Variants in IFT74 observed in about 807,000 individuals in gnomAD.
IFT74 encodes intraflagellar transport 74, also known as intraflagellar transport protein 74 homolog.
In IFT74, 92 loss-of-function variants were observed where a neutral mutation model predicts 96.7. The observed-to-expected ratio is 0.95, with a 90% CI of 0.80 to 1.13. IFT74 has a LOEUF of 1.13. IFT74 is among the 50% of genes most tolerant of loss of function. The pLI is 0.00. For synonymous variants in IFT74, 223 were observed against 213.2 expected (o/e 1.05, Z -0.40); for missense variants, 811 against 698.2 (o/e 1.16, Z -1.82).
intron 8 of IFT74, among the ~76,000 whole-genome samples, chr9:26,999,002 G>GCAAT (rs895168444): frequency 6.6e-6 from 1 of 152,008 alleles, no homozygotes; most frequent in African/African-American, 2.4e-5. Flanking sequence ...TCAAAAGCAA[G>GCAAT]CAATCAATCA....
intron 6 of IFT74, among the ~76,000 whole-genome samples, chr9:26,985,430 CT>C (rs1827590810): frequency 6.6e-6 from 1 of 152,072 alleles, no homozygotes; most frequent in Admixed American, 6.5e-5. Flanking sequence ...ACATGTACCC[CT>C]GAACCTAAAA....
At chr9:27,037,662 G>C (rs547355526) in intron 13 of IFT74, among the ~76,000 whole-genome samples, 2 of 152,336 alleles carry the variant, frequency 1.3e-5, no homozygotes, top group South Asian at 4.1e-4. Context: ...TTTTACTCTG[G>C]TGCTATGTGG....
intron 12 of IFT74, among the ~76,000 whole-genome samples, chr9:27,028,470 G>A (rs1426808259): frequency 6.6e-6 from 1 of 152,076 alleles, no homozygotes; most frequent in Non-Finnish European, 1.5e-5. Flanking sequence ...CAGTAAAAAA[G>A]ATCTATGCTT....
At chr9:27,034,029 G>C (rs1228710616) in intron 13 of IFT74, among the ~76,000 whole-genome samples, 1 of 152,052 alleles carries the variant, frequency 6.6e-6, no homozygotes, top group African/African-American at 2.4e-5. Flanking sequence ...CTAATTTTCT[G>C]AGCATCTATT....
At chr9:27,001,823 G>A (rs375377545) in intron 8 of IFT74, among the ~76,000 whole-genome samples, 5 of 151,950 alleles carry the variant, frequency 3.3e-5, no homozygotes, top group South Asian at 2.1e-4. Flanking sequence ...TTTGCTTGGC[G>A]AAACCCCATT....
rs149182814 is a variant in IFT74, at chr9:26,973,788, G to A, written c.121-4340G>A. 2.0e-5 allele frequency among the ~76,000 whole-genome samples: 3 copies of A among 152,206 alleles called. No homozygotes were observed. The East Asian group carries it at 5.8e-4, about 29-fold the overall frequency. On this transcript the variant is annotated intron_variant, in intron 2 of 19. Coordinates refer to ENST00000380062, the MANE Select transcript of IFT74 (RefSeq NM_025103.4). ...ATTAGATGGAGTGAGACAAACAGAG[G>A]AGTGAGACACTCCTGAATCAATTAA...
intron 18 of IFT74, among the ~76,000 whole-genome samples, chr9:27,060,364 AT>A (rs908808728): frequency 9.9e-5 from 15 of 152,074 alleles, no homozygotes; most frequent in African/African-American, 3.4e-4. Context: ...AACATTTAAA[AT>A]ATAATTAAAA....
At chr9:26,965,421 G>A (rs1826565240) in intron 2 of IFT74, among the ~76,000 whole-genome samples, 1 of 152,022 alleles carries the variant, frequency 6.6e-6, no homozygotes, top group Admixed American at 6.6e-5. Context: ...TTTTCCTAAA[G>A]TTTTCAGATT....
At chr9:26,949,882 G>T (rs1327860477) in intron 1 of IFT74, among the ~76,000 whole-genome samples, 1 of 152,180 alleles carries the variant, frequency 6.6e-6, no homozygotes, top group African/African-American at 2.4e-5. Context: ...CTGCCAAAAT[G>T]CTAAATTTGA....
chr9:27,023,792 C>G (rs1320710176), intron 12 of IFT74, among the ~76,000 whole-genome samples: 2 of 152,292 alleles, frequency 1.3e-5, no homozygotes, highest in African/African-American at 4.8e-5. Context: ...ACCACCCCTT[C>G]CATCACCCAC....
chr9:27,059,748 C>G (rs1276216582), intron 18 of IFT74, among the ~76,000 whole-genome samples: 1 of 152,214 alleles, frequency 6.6e-6, no homozygotes, highest in Non-Finnish European at 1.5e-5. Context: ...GGATCTACAT[C>G]AAGCCTGAAT....
intron 8 of IFT74, chr9:26,993,225 T>C (rs770657658): frequency 5.3e-5 from 8 of 152,232 alleles, no homozygotes; most frequent in Non-Finnish European, 1.2e-4. Flanking sequence ...TAGTCTTTGC[T>C]CATTTGCAAT....
intron 8 of IFT74, among the ~76,000 whole-genome samples, chr9:27,006,900 A>T (rs569223053): frequency 7.5e-5 from 10 of 132,714 alleles, no homozygotes; most frequent in African/African-American, 2.9e-4. Context: ...GTAGTGGCGC[A>T]GTCTCGGCTC....
intron 2 of IFT74, among the ~76,000 whole-genome samples, chr9:26,963,131 C>A (rs57450012): frequency 0.1 from 15,324 of 151,640 alleles, 1,774 homozygotes; most frequent in East Asian, 0.65. Flanking sequence ...ACAACAGTCC[C>A]CAGAGTGTGA....
intron 13 of IFT74, among the ~76,000 whole-genome samples, chr9:27,040,782 C>G (rs1819444161): frequency 6.6e-6 from 1 of 152,016 alleles, no homozygotes; most frequent in African/African-American, 2.4e-5. Flanking sequence ...GTGTATTGAT[C>G]AGGAGAGAAG....
In IFT74 at chr9:27,060,565, T is replaced by C. The variant is rs190486483; in HGVS notation, c.1624-26T>C. On this transcript the variant is annotated intron_variant, in intron 18 of 19. Transcript: ENST00000380062. ...TAATTGTTTTAAATATGGGTCCTAATTAATATTTTTCTTTTATGTTTTTAG... is the reference window on the plus strand; with the variant it reads ...TAATTGTTTTAAATATGGGTCCTAACTAATATTTTTCTTTTATGTTTTTAG... 138 of 1,519,174 alleles carry C rather than the reference T, an allele frequency of 9.1e-5. 1 individual carries two copies. In the Middle Eastern group the frequency reaches 1.2e-3, roughly 13 times the overall value. The allele number at this position is 1,519,174 out of a possible 1,614,324, so 94.1% of individuals were successfully genotyped here. A position where few individuals can be genotyped will look rare whatever the true frequency, so the allele number is the denominator to read the frequency against.
rs142459009 is a variant in IFT74 at position 27,034,369 on chromosome 9, A to C, written c.1054+5265A>C. ...TGCATAATATATATGTGTCATTCAA[A>C]GTAGTAAAATAACAAAATATAATAC... On this transcript the variant is annotated intron_variant, in intron 13 of 19. Transcript: ENST00000380062. Among the ~76,000 whole-genome samples, 1,099 of 152,332 alleles carry C rather than the reference A, an allele frequency of 7.2e-3. 7 individuals carry two copies. The highest frequency in any genetic ancestry group is 9.8e-3 in the Non-Finnish European group (670 of 68,036).
chr9:27,011,850 A>C, intron 9 of IFT74, 56 bp from the exon 10 acceptor site: 1 of 1,247,388 alleles, frequency 8.0e-7, no homozygotes, highest in Admixed American at 2.9e-5. Context: ...CCCCCACTAC[A>C]ACAAATTATT....
chr9:26,971,144 G>T (rs1319114270), intron 2 of IFT74, among the ~76,000 whole-genome samples: 1 of 152,122 alleles, frequency 6.6e-6, no homozygotes, highest in Non-Finnish European at 1.5e-5. Context: ...GAAGGAGATA[G>T]TCTCTACACA....
Sources: allele counts gnomAD v4.1 joint callset (sites outside exome capture counted in the v4.1 genomes callset), GRCh38; gene constraint gnomAD v4.1.1; transcripts MANE v1.5; gene names NCBI Gene and HGNC (gene_info 2026-07-23, HGNC 2026-07-21).